UHMK1: variants seen among roughly 807,000 people sequenced by gnomAD.
UHMK1 encodes U2AF homology motif kinase 1.
In UHMK1, 18 loss-of-function variants were observed where a neutral mutation model predicts 44.0. The observed-to-expected ratio is 0.41, with a 90% CI of 0.28 to 0.61. The LOEUF (loss-of-function observed/expected upper bound fraction) is 0.61. Ranked by LOEUF, UHMK1 falls within the 20% of genes least tolerant of loss-of-function variation. The probability of loss-of-function intolerance (pLI) is 0.31; values close to 1 mark genes in which losing one functional copy is unlikely to be tolerated. For synonymous variants in UHMK1, 231 were observed against 198.5 expected (o/e 1.16, Z -1.38); for missense variants, 463 against 522.5 (o/e 0.89, Z 1.11).
At chr1:162,519,655 T>C (rs946176953) in intron 7 of UHMK1, among the ~76,000 whole-genome samples, 3 of 152,192 alleles carry the variant, frequency 2.0e-5, no homozygotes, top group African/African-American at 7.2e-5. Flanking sequence ...TAAGAAGATA[T>C]TTATTTGTAG....
At chr1:162,501,512 G>T (rs1651267399) in intron 3 of UHMK1, among the ~76,000 whole-genome samples, 1 of 152,064 alleles carries the variant, frequency 6.6e-6, no homozygotes, top group African/African-American at 2.4e-5. Context: ...GCTGTCTGTT[G>T]TCCATACTCC....
Position 162,499,518 on chromosome 1 carries a change from T to C in UHMK1, c.269-437T>C, listed in dbSNP as rs79755322. Among the ~76,000 whole-genome samples, 211 of 152,356 alleles carry C rather than the reference T, an allele frequency of 1.4e-3. 5 individuals carry two copies. The East Asian group carries it at 0.034, about 25-fold the overall frequency. On this transcript the variant is annotated intron_variant, in intron 1 of 7. Transcript: ENST00000489294. Reference sequence around the variant, plus strand: ...AATGTTTAGTTTGGTTTTTGCGCATTGTGACATTCCTTTTAAAAGAGTTAC... The same window carrying C: ...AATGTTTAGTTTGGTTTTTGCGCATCGTGACATTCCTTTTAAAAGAGTTAC...
In UHMK1 at chr1:162,522,481, G is replaced by A. The variant is rs1443523908; in HGVS notation, c.1191G>A (p.Lys397=). The A allele has an allele frequency of 3.7e-6, 6 of 1,614,204 alleles. No homozygotes were observed. The highest frequency in any genetic ancestry group is 5.1e-6 in the Non-Finnish European group (6 of 1,180,024). ...KLLTGRMFDG[K]FVVATFYPLS... Reference sequence around the variant, plus strand: ...TGACTGGAAGGATGTTTGATGGGAAGTTTGTTGTGGCTACATTCTACCCGC... The same window carrying A: ...TGACTGGAAGGATGTTTGATGGGAAATTTGTTGTGGCTACATTCTACCCGC... The change falls in exon 8 of 8, where the codon AAG becomes AAA. Residue 397 remains lysine (K), a synonymous_variant. Transcript: ENST00000489294.
chr1:162,522,695 C>A lies in UHMK1; in HGVS notation c.*145C>A. ...TACTAATGTGCAGCCATTGCCCAAGCAGTGACTGCGTTGCATACATTTGGC... is the reference window on the plus strand; with the variant it reads ...TACTAATGTGCAGCCATTGCCCAAGAAGTGACTGCGTTGCATACATTTGGC... On this transcript the variant is annotated 3_prime_UTR_variant, in exon 8 of 8. Coordinates refer to ENST00000489294, the MANE Select transcript of UHMK1 (RefSeq NM_175866.5). The A allele has an allele frequency of 1.1e-6, 1 of 931,314 alleles. No homozygotes were observed. Among genetic ancestry groups the A allele is most frequent in the Non-Finnish European group, 1.6e-6 (1 of 637,690 alleles). 57.7% of individuals were successfully genotyped at this position (931,314 alleles called of 1,614,324 possible).
At chr1:162,515,891 G>C (rs943747287) in intron 6 of UHMK1, among the ~76,000 whole-genome samples, 3 of 151,998 alleles carry the variant, frequency 2.0e-5, no homozygotes, top group Non-Finnish European at 4.4e-5. Context: ...AAAATTAGCC[G>C]GGCGTGGTGG....
chr1:162,499,614 T>C (rs1481521324), intron 1 of UHMK1, among the ~76,000 whole-genome samples: 2 of 152,238 alleles, frequency 1.3e-5, no homozygotes, highest in African/African-American at 2.4e-5. Flanking sequence ...CAGTAAGTTT[T>C]ATTTATTTAT....
chr1:162,516,045 AC>A (rs1651826105), intron 6 of UHMK1, among the ~76,000 whole-genome samples: 1 of 151,842 alleles, frequency 6.6e-6, no homozygotes, highest in Admixed American at 6.6e-5. Context: ...AAAAAAAAAA[AC>A]AACAAAACTG....
At chr1:162,514,475 C>T (rs1452865281) in intron 6 of UHMK1, among the ~76,000 whole-genome samples, 3 of 152,044 alleles carry the variant, frequency 2.0e-5, no homozygotes, top group Admixed American at 2.0e-4. Context: ...TAGAACCATG[C>T]CTGGCAAATA....
chr1:162,502,979 A>G (rs977051765), intron 3 of UHMK1, among the ~76,000 whole-genome samples: 1 of 152,214 alleles, frequency 6.6e-6, no homozygotes, highest in African/African-American at 2.4e-5. Context: ...ACACAGTTCT[A>G]AATTGTGAGT....
chr1:162,520,727 G>A (rs1408730640), intron 7 of UHMK1, among the ~76,000 whole-genome samples: 1 of 152,202 alleles, frequency 6.6e-6, no homozygotes, highest in Non-Finnish European at 1.5e-5. Context: ...TTAGATCAGA[G>A]AGATTAGGGA....
chr1:162,509,675 T>G (rs1651600940), intron 4 of UHMK1, among the ~76,000 whole-genome samples: 1 of 152,236 alleles, frequency 6.6e-6, no homozygotes, highest in Non-Finnish European at 1.5e-5. Flanking sequence ...GGAGTCACAC[T>G]CTGTTGCCCA....
rs1652373236 is a variant in UHMK1 at position 162,529,595 on chromosome 1, A to T, written c.*7045A>T. ...TGTGTTTGATAAGAGTGATAAAATA[A>T]AAGCTTAAAAATAAAGGAGTTGCTT... is the stretch of plus-strand genomic sequence containing the variant. On this transcript the variant is annotated 3_prime_UTR_variant, in exon 8 of 8. Coordinates refer to ENST00000489294, the MANE Select transcript of UHMK1 (RefSeq NM_175866.5). 1 of 152,176 alleles carries T rather than the reference A, an allele frequency of 6.6e-6. No homozygotes were observed. The allele number at this position is 152,176 out of a possible 1,614,324, so 9.4% of individuals were successfully genotyped here. A position where few individuals can be genotyped will look rare whatever the true frequency, so the allele number is the denominator to read the frequency against.
rs1651111276 is a variant in UHMK1 at position 162,497,936 on chromosome 1, C to T, written c.-65C>T. The T allele has an allele frequency of 7.0e-7, 1 of 1,433,412 alleles. No homozygotes were observed. The highest frequency in any genetic ancestry group is 1.5e-5 in the South Asian group (1 of 66,694). The allele number at this position is 1,433,412 out of a possible 1,614,324, so 88.8% of individuals were successfully genotyped here. A position where few individuals can be genotyped will look rare whatever the true frequency, so the allele number is the denominator to read the frequency against. On this transcript the variant is annotated 5_prime_UTR_variant, in exon 1 of 8. Coordinates refer to ENST00000489294, the MANE Select transcript of UHMK1 (RefSeq NM_175866.5). ...GGTCCGGCTGGCGGAGATGTGACCG[C>T]GGGCCCGGCCGGCCTGCCTCAGGCG...
intron 6 of UHMK1, among the ~76,000 whole-genome samples, chr1:162,517,849 C>T (rs1176367158): frequency 6.6e-6 from 1 of 151,840 alleles, no homozygotes; most frequent in East Asian, 1.9e-4. Context: ...TGCACTCCAG[C>T]CTGGGGGACA....
At chr1:162,497,418 C>A, upstream of UHMK1, 1 of 573,866 alleles carries the variant, frequency 1.7e-6, no homozygotes, top group Non-Finnish European at 3.2e-6. Flanking sequence ...ATTGTATTTT[C>A]GGTTTACATC....
At chr1:162,510,884 A>G (rs887410050) in intron 4 of UHMK1, among the ~76,000 whole-genome samples, 6 of 151,928 alleles carry the variant, frequency 3.9e-5, no homozygotes, top group Admixed American at 3.9e-4. Flanking sequence ...GGGCCTCCAT[A>G]CTACTTTCCA....
intron 4 of UHMK1, 41 bp downstream of exon 4, chr1:162,503,889 C>A: frequency 6.7e-7 from 1 of 1,489,134 alleles, no homozygotes; most frequent in South Asian, 1.2e-5. Flanking sequence ...CATTCATGTA[C>A]TATGTGAAAT....
At position 162,529,302 on chromosome 1, in the gene UHMK1, G is replaced by A. The variant is rs1461487076; in HGVS notation, c.*6752G>A. The A allele has an allele frequency of 6.6e-6, 1 of 151,998 alleles. No homozygotes were observed. The highest frequency in any genetic ancestry group is 2.1e-4 in the South Asian group (1 of 4,828). The allele number at this position is 151,998 out of a possible 1,614,324, so 9.4% of individuals were successfully genotyped here. On this transcript the variant is annotated 3_prime_UTR_variant, in exon 8 of 8. Transcript: ENST00000489294. ...ACAAAAACTAAGTGGGACTATGTAT[G>A]TAGATGTGTGTCAGTACCAAAAAGT...
chr1:162,522,098 C>T (rs595217), intron 7 of UHMK1, among the ~76,000 whole-genome samples: 13,587 of 152,148 alleles, frequency 0.089, 1,985 homozygotes, highest in African/African-American at 0.31. Flanking sequence ...ACTCCTGTAA[C>T]GACCTTAGCA....
Sources: gnomAD v4.1 joint callset for allele counts (sites outside exome capture counted in the v4.1 genomes callset) on GRCh38, gnomAD v4.1.1 for gene constraint, MANE v1.5 for transcripts, NCBI Gene and HGNC (gene_info 2026-07-23, HGNC 2026-07-21) for gene names.